The following TCF12 variants were observed in gnomAD, a reference collection of about 807,000 sequenced individuals.
The protein encoded by TCF12 is transcription factor 12.
Under a neutral mutation model 86.0 loss-of-function variants are expected in TCF12, and 45 were observed. The ratio of observed to expected loss-of-function variants is 0.52; its 90% CI spans 0.41 to 0.67. TCF12 has a LOEUF of 0.67. Among genes scored for constraint, TCF12 ranks in the 30% least tolerant of loss-of-function variants. TCF12 has a pLI of 0.00. For synonymous variants in TCF12, 330 were observed against 299.6 expected (o/e 1.10, Z -1.05); for missense variants, 881 against 859.9 (o/e 1.02, Z -0.31).
At position 56,921,112 on chromosome 15, in the gene TCF12, TTAAAC is replaced by T. The variant is rs1161742959; in HGVS notation, c.148+19_148+23del. ...TCAGTGGATCAGGTAAGATGATGTC[TTAAAC>T]TAAAGACTCATATTTTGGTGGTGTG... is the stretch of plus-strand genomic sequence containing the variant. On this transcript the variant is annotated intron_variant, in intron 3 of 20. Coordinates refer to ENST00000333725, the MANE Select transcript of TCF12 (RefSeq NM_207037.2). The T allele has an allele frequency of 1.3e-6, 2 of 1,589,736 alleles. No homozygotes were observed. Among genetic ancestry groups the T allele is most frequent in the Non-Finnish European group, 8.6e-7 (1 of 1,167,216 alleles).
chr15:57,027,598 T>C (rs1264677897), intron 3 of TCF12, among the ~76,000 whole-genome samples: 1 of 152,176 alleles, frequency 6.6e-6, no homozygotes, highest in Non-Finnish European at 1.5e-5. Flanking sequence ...GGTCACATTG[T>C]TAACTGTATG....
intron 7 of TCF12, among the ~76,000 whole-genome samples, chr15:57,195,853 T>A (rs1307897102): frequency 6.6e-6 from 1 of 152,060 alleles, no homozygotes; most frequent in African/African-American, 2.4e-5. Context: ...GAAATTTTTT[T>A]AATTAGCTGG....
chr15:57,118,323 A>G (rs1409833230), intron 5 of TCF12: 4 of 152,240 alleles, frequency 2.6e-5, no homozygotes, highest in African/African-American at 9.6e-5. Flanking sequence ...TATTTCTGTT[A>G]ACCCATGTTA....
At chr15:57,111,185 T>A (rs1349198080) in intron 5 of TCF12, among the ~76,000 whole-genome samples, 1 of 152,154 alleles carries the variant, frequency 6.6e-6, no homozygotes, top group Non-Finnish European at 1.5e-5. Flanking sequence ...GGACTTCTGG[T>A]TGGCTTCTTG....
intron 4 of TCF12, among the ~76,000 whole-genome samples, chr15:57,090,795 G>A (rs773215583): frequency 6.6e-6 from 1 of 152,142 alleles, no homozygotes; most frequent in Non-Finnish European, 1.5e-5. Context: ...TCTTTACCAT[G>A]TTGGTTTTAG....
chr15:57,057,635 T>G (rs535111298), intron 3 of TCF12, among the ~76,000 whole-genome samples: 2 of 151,984 alleles, frequency 1.3e-5, no homozygotes, highest in Admixed American at 1.3e-4. Flanking sequence ...TTCAGAGAGG[T>G]GGGAGGCAGA....
chr15:56,949,674 G>T lies in TCF12; in HGVS notation c.148+28576G>T, dbSNP rs527937223. Among the ~76,000 whole-genome samples, 4 of 152,292 alleles carry T rather than the reference G, an allele frequency of 2.6e-5. No homozygotes were observed. In the South Asian group the frequency reaches 6.2e-4, roughly 24 times the overall value. On this transcript the variant is annotated intron_variant, in intron 3 of 20. Transcript: ENST00000333725. ...ATACTTAACATATAATTTGTGCCAG[G>T]CTCTGTGCTTGGTTTCAGGGATGGA...
intron 11 of TCF12, 45 bp downstream of exon 11, chr15:57,232,901 T>C: frequency 6.9e-7 from 1 of 1,452,358 alleles, no homozygotes; most frequent in Non-Finnish European, 9.2e-7. Context: ...TTTGTGGACT[T>C]TCAGTGACCC....
At chr15:56,945,259 A>G (rs980386553) in intron 3 of TCF12, among the ~76,000 whole-genome samples, 1 of 152,140 alleles carries the variant, frequency 6.6e-6, no homozygotes, top group African/African-American at 2.4e-5. Flanking sequence ...TCTGCCTGAT[A>G]CTGGAAATTG....
intron 8 of TCF12, chr15:57,219,663 C>A: frequency 1.4e-6 from 2 of 1,388,038 alleles, no homozygotes; most frequent in East Asian, 2.4e-5. Flanking sequence ...TCGCTTTTTA[C>A]TAAAATCTGT....
intron 13 of TCF12, chr15:57,247,040 C>A: frequency 1.8e-6 from 1 of 553,354 alleles, no homozygotes; most frequent in South Asian, 1.4e-5. Flanking sequence ...TGCCCCCTTT[C>A]ATGGGTTCAT....
chr15:57,206,796 C>T (rs1443760314), intron 8 of TCF12, among the ~76,000 whole-genome samples: 2 of 150,762 alleles, frequency 1.3e-5, no homozygotes, highest in Non-Finnish European at 3.0e-5. Flanking sequence ...ATTTTTTTTC[C>T]TGTTCCAACT....
chr15:57,278,691 T>TCCCTCCCTCTCCCTCCCTC (rs2061517774), intron 19 of TCF12: 1 of 166,896 alleles, frequency 6.0e-6, no homozygotes, highest in Non-Finnish European at 1.3e-5. Flanking sequence ...TTCCTCCCTC[T>TCCCTCCCTCTCCCTCCCTC]CCCTCTCTCT....
At chr15:56,930,118 C>T (rs1263066195) in intron 3 of TCF12, among the ~76,000 whole-genome samples, 1 of 152,168 alleles carries the variant, frequency 6.6e-6, no homozygotes, top group South Asian at 2.1e-4. Flanking sequence ...CTACTCCAGT[C>T]AGTGAGTGAA....
Position 57,288,848 on chromosome 15 carries a change from CAA to C in TCF12, c.*2706_*2707del, listed in dbSNP as rs1417441969. Reference sequence around the variant, plus strand: ...AAAATGAAGAAGATGGAAAAAGACTCAAAAGAGGCTTTTTAAGTTATTCTTCA... The same window carrying C: ...AAAATGAAGAAGATGGAAAAAGACTCAAGAGGCTTTTTAAGTTATTCTTCA... On this transcript the variant is annotated 3_prime_UTR_variant, in exon 21 of 21. Coordinates refer to ENST00000333725, the MANE Select transcript of TCF12 (RefSeq NM_207037.2). The C allele has an allele frequency of 6.6e-6, 1 of 152,178 alleles. No homozygotes were observed. Among genetic ancestry groups the C allele is most frequent in the African/African-American group, 2.4e-5 (1 of 41,434 alleles). The allele number at this position is 152,178 out of a possible 1,614,324, so 9.4% of individuals were successfully genotyped here.
chr15:57,146,705 A>G (rs2053387553), intron 5 of TCF12, among the ~76,000 whole-genome samples: 1 of 152,200 alleles, frequency 6.6e-6, no homozygotes, highest in African/African-American at 2.4e-5. Context: ...CTTAAATATT[A>G]TACATTCCTC....
intron 4 of TCF12, among the ~76,000 whole-genome samples, chr15:57,075,837 T>C (rs369491664): frequency 0.018 from 1,934 of 107,978 alleles, 78 homozygotes; most frequent in African/African-American, 0.044. Context: ...TCTCTCTCTT[T>C]TCTTTCTTTC....
intron 3 of TCF12, among the ~76,000 whole-genome samples, chr15:56,929,646 G>T (rs1387702312): frequency 3.3e-5 from 5 of 151,934 alleles, no homozygotes; most frequent in Non-Finnish European, 7.4e-5. Context: ...ATTAGAGATT[G>T]GTTACTAATT....
intron 3 of TCF12, among the ~76,000 whole-genome samples, chr15:56,950,729 A>G: frequency 6.8e-6 from 1 of 147,624 alleles, no homozygotes; most frequent in East Asian, 1.9e-4. Flanking sequence ...ATTACAAATA[A>G]AGCTATTATG....
Sources: allele counts gnomAD v4.1 joint callset (sites outside exome capture counted in the v4.1 genomes callset), GRCh38; gene constraint gnomAD v4.1.1; transcripts MANE v1.5; gene names NCBI Gene and HGNC (gene_info 2026-07-23, HGNC 2026-07-21).